The following ZFHX3 variants were observed in gnomAD, a reference collection of about 807,000 sequenced individuals.
ZFHX3 encodes the protein zinc finger homeobox protein 3.
A neutral mutation model predicts 279.1 loss-of-function variants in ZFHX3; 42 were observed. The ratio of observed to expected loss-of-function variants is 0.15; its 90% CI spans 0.12 to 0.19. The LOEUF (loss-of-function observed/expected upper bound fraction) is 0.19, where lower values mean the gene tolerates loss of function less well. ZFHX3 is among the 10% of genes least tolerant of loss of function. The pLI is 1.00. For missense variants in ZFHX3, 4,981 were observed against 4,754.0 expected, an observed-to-expected ratio of 1.05 and a Z score of -1.40; for synonymous variants, 2,293 against 1,957.8, an observed-to-expected ratio of 1.17 and a Z score of -4.52.
chr16:73,326,606 G>A (rs1055004756), intron 3 of ZFHX3, among the ~76,000 whole-genome samples: 1 of 152,276 alleles, frequency 6.6e-6, no homozygotes, highest in East Asian at 1.9e-4. Context: ...CAAGGGTTGA[G>A]GGGGGAGGGA....
At chr16:73,622,676 C>T (rs2052375444) in intron 2 of ZFHX3, among the ~76,000 whole-genome samples, 1 of 152,206 alleles carries the variant, frequency 6.6e-6, no homozygotes, top group Non-Finnish European at 1.5e-5. Flanking sequence ...TTAGGTCCCT[C>T]TCTTCTGAGA....
chr16:73,820,590 C>A (rs1422503416), intron 1 of ZFHX3, among the ~76,000 whole-genome samples: 1 of 152,080 alleles, frequency 6.6e-6, no homozygotes, highest in Non-Finnish European at 1.5e-5. Context: ...CAAACCCACA[C>A]ATGAGTCCAG....
At chr16:73,567,725 G>C (rs1224786733) in intron 2 of ZFHX3, among the ~76,000 whole-genome samples, 2 of 152,114 alleles carry the variant, frequency 1.3e-5, no homozygotes, top group African/African-American at 4.8e-5. Flanking sequence ...GTCCCTTGTA[G>C]CTTAAGAGCC....
chr16:73,880,426 T>C (rs545392533), intron 1 of ZFHX3, among the ~76,000 whole-genome samples: 27 of 152,288 alleles, frequency 1.8e-4, no homozygotes, highest in African/African-American at 6.5e-4. Flanking sequence ...AGTACAACAT[T>C]TTAATTTCAG....
At chr16:72,917,301 AATTTCG>A (rs2144217328) in intron 3 of ZFHX3, among the ~76,000 whole-genome samples, 1 of 152,322 alleles carries the variant, frequency 6.6e-6, no homozygotes, top group East Asian at 1.9e-4. Flanking sequence ...CGCCATGTAA[AATTTCG>A]AAACTTTGGA....
intron 1 of ZFHX3, among the ~76,000 whole-genome samples, chr16:73,749,272 T>C (rs923691810): frequency 9.2e-5 from 14 of 152,116 alleles, no homozygotes; most frequent in African/African-American, 3.1e-4. Context: ...CCGAGGATAA[T>C]TCCTGTGCTT....
chr16:73,222,804 G>A (rs992254314), intron 5 of ZFHX3, among the ~76,000 whole-genome samples: 3 of 152,098 alleles, frequency 2.0e-5, no homozygotes, highest in African/African-American at 7.2e-5. Flanking sequence ...ACAGGTACTA[G>A]CCAACGTCAA....
intron 3 of ZFHX3, among the ~76,000 whole-genome samples, chr16:73,417,940 G>C (rs1008071424): frequency 4.6e-5 from 6 of 130,228 alleles, no homozygotes; most frequent in Non-Finnish European, 6.1e-5. Flanking sequence ...AGTGAGCTGA[G>C]ATCGCGCCAC....
In ZFHX3 at chr16:72,812,413, C is replaced by G. The variant is rs543530584; in HGVS notation, c.3530-375G>C. Among the ~76,000 whole-genome samples, 5 of 152,276 alleles carry G rather than the reference C, an allele frequency of 3.3e-5. No individual in the cohort carries two copies. In the South Asian group the frequency reaches 1.0e-3, roughly 32 times the overall value. ...GTGGGTGGGAAAGTCTCACCAATTGCTTTGCCAGCCTCAGTACCAGACATG... is the reference window on the plus strand; with the variant it reads ...GTGGGTGGGAAAGTCTCACCAATTGGTTTGCCAGCCTCAGTACCAGACATG... On this transcript the variant is annotated intron_variant, in intron 5 of 9. Coordinates refer to ENST00000268489, the MANE Select transcript of ZFHX3 (RefSeq NM_006885.4).
At chr16:73,123,843 C>T (rs1218301234) in intron 7 of ZFHX3, among the ~76,000 whole-genome samples, 1 of 152,016 alleles carries the variant, frequency 6.6e-6, no homozygotes, top group African/African-American at 2.4e-5. Context: ...CTTGTTTGCC[C>T]CTTCTGCAAT....
At chr16:72,907,188 C>T (rs903361469) in intron 3 of ZFHX3, among the ~76,000 whole-genome samples, 2 of 152,156 alleles carry the variant, frequency 1.3e-5, no homozygotes, top group Non-Finnish European at 2.9e-5. Flanking sequence ...TCTTAAAACA[C>T]AAATCTTTCG....
At position 73,518,232 on chromosome 16, in the gene ZFHX3, T is replaced by G. The variant is rs561213387; in HGVS notation, c.-1546-61974A>C. 7.2e-5 allele frequency among the ~76,000 whole-genome samples: 11 copies of G among 152,354 alleles called. 1 individual carries two copies. Among genetic ancestry groups the G allele is most frequent in the African/African-American group, 2.6e-4 (11 of 41,572 alleles). ...ATTGCTAGTCACTGAGATCATCGCC[T>G]TCTTTCGCTGGACTACTTAAAGTGC... On this transcript the variant is annotated intron_variant, in intron 2 of 17. Transcript: ENST00000641206.
chr16:73,685,728 C>T (rs2053075736), intron 1 of ZFHX3, among the ~76,000 whole-genome samples: 1 of 152,122 alleles, frequency 6.6e-6, no homozygotes, highest in Non-Finnish European at 1.5e-5. Context: ...ACAAAATGCC[C>T]ACAATGATTC....
chr16:72,981,684 C>A (rs1039467581), intron 1 of ZFHX3, among the ~76,000 whole-genome samples: 2 of 152,014 alleles, frequency 1.3e-5, no homozygotes, highest in Admixed American at 1.3e-4. Flanking sequence ...CCCATACCCA[C>A]CCCCAACATC....
At chr16:73,165,383 T>TA in intron 5 of ZFHX3, among the ~76,000 whole-genome samples, 1 of 152,328 alleles carries the variant, frequency 6.6e-6, no homozygotes. Flanking sequence ...GTTCTTAACA[T>TA]ACCACACTTT....
chr16:72,849,791 G>T (rs1175606362), intron 4 of ZFHX3, among the ~76,000 whole-genome samples: 3 of 136,258 alleles, frequency 2.2e-5, no homozygotes, highest in African/African-American at 8.3e-5. Flanking sequence ...TGTCAAGAGT[G>T]CCTTTACTTA....
intron 2 of ZFHX3, among the ~76,000 whole-genome samples, chr16:73,591,923 G>A (rs192421191): frequency 1.3e-5 from 2 of 151,784 alleles, no homozygotes; most frequent in Admixed American, 6.6e-5. Flanking sequence ...AACTGTTGGT[G>A]TGGCTATATT....
chr16:73,328,586 G>A (rs566773464), intron 3 of ZFHX3, among the ~76,000 whole-genome samples: 77 of 152,286 alleles, frequency 5.1e-4, no homozygotes, highest in African/African-American at 1.8e-3. Flanking sequence ...AGAAGTTAAC[G>A]AAGCTGCAAG....
chr16:73,040,133 G>T (rs1965058486), intron 1 of ZFHX3, among the ~76,000 whole-genome samples: 1 of 152,182 alleles, frequency 6.6e-6, no homozygotes, highest in African/African-American at 2.4e-5. Flanking sequence ...CTAACAGAGA[G>T]TCTGAACTGG....
Sources: gnomAD v4.1 joint callset for allele counts (sites outside exome capture counted in the v4.1 genomes callset) on GRCh38, gnomAD v4.1.1 for gene constraint, MANE v1.5 for transcripts, NCBI Gene and HGNC (gene_info 2026-07-23, HGNC 2026-07-21) for gene names.